Variants in PECR observed in about 807,000 individuals in gnomAD.
The protein encoded by PECR is 2,4-dienoyl-CoA reductase-related protein.
Under a neutral mutation model 35.3 loss-of-function variants are expected in PECR, and 30 were observed. The observed-to-expected ratio is 0.85, with a 90% CI of 0.64 to 1.15. The LOEUF is 1.15. Among genes scored for constraint, PECR ranks in the 50% most tolerant of loss-of-function variants. The pLI is 0.00. For missense variants in PECR, 392 were observed against 370.8 expected (o/e 1.06, Z -0.47); for synonymous variants, 148 against 138.9 (o/e 1.07, Z -0.46).
chr2:216,047,189 T>G (rs1367408810), intron 6 of PECR, among the ~76,000 whole-genome samples: 2 of 149,030 alleles, frequency 1.3e-5, no homozygotes, highest in Non-Finnish European at 3.0e-5. Context: ...ACCCAGGAGG[T>G]AGAGGTTGTG....
Position 216,051,447 on chromosome 2 carries a change from A to G in PECR, c.603+2T>C. On this transcript the variant is annotated splice_donor_variant, in intron 5 of 7. Coordinates refer to ENST00000265322, the MANE Select transcript of PECR (RefSeq NM_018441.6). LOFTEE classifies it high-confidence loss of function. The stretch of plus-strand genomic sequence containing the variant: ...AAATTTCAATATAGATCGTTTACCT[A>G]CAGGGGCAACACAATTGATCCGTAT... 9 of 1,569,878 alleles carry G rather than the reference A, an allele frequency of 5.7e-6. No homozygotes were observed. The highest frequency in any genetic ancestry group is 7.9e-6 in the Non-Finnish European group (9 of 1,139,476).
At chr2:216,080,368 G>A (rs828914) in intron 1 of PECR, among the ~76,000 whole-genome samples, 2 of 152,140 alleles carry the variant, frequency 1.3e-5, no homozygotes, top group South Asian at 2.1e-4. Context: ...GAGCCACTGC[G>A]CCAGGACCAA....
At chr2:216,071,281 C>T (rs1695582482) in intron 1 of PECR, among the ~76,000 whole-genome samples, 1 of 152,200 alleles carries the variant, frequency 6.6e-6, no homozygotes, top group Non-Finnish European at 1.5e-5. Context: ...GGAGGCATGC[C>T]GTTGCCAAAG....
downstream of PECR, among the ~76,000 whole-genome samples, chr2:216,036,057 A>G (rs1228595730): frequency 6.6e-6 from 1 of 152,252 alleles, no homozygotes; most frequent in African/African-American, 2.4e-5. Context: ...TCTGGGGGCT[A>G]TAGAAAGCCT....
chr2:216,079,151 CT>C (rs77646025), intron 1 of PECR, among the ~76,000 whole-genome samples: 3,837 of 99,294 alleles, frequency 0.039, 144 homozygotes, highest in African/African-American at 0.1. Flanking sequence ...AATGTTTTTG[CT>C]TTTTTTTTTT....
At chr2:216,055,038 G>A (rs529587480) in intron 4 of PECR, among the ~76,000 whole-genome samples, 37 of 151,946 alleles carry the variant, frequency 2.4e-4, no homozygotes, top group Non-Finnish European at 3.7e-4. Flanking sequence ...CTTGAACCCG[G>A]GAGGCGGAGG....
intron 3 of PECR, among the ~76,000 whole-genome samples, chr2:216,062,441 G>A (rs10168511): frequency 0.12 from 17,791 of 151,916 alleles, 1,522 homozygotes; most frequent in South Asian, 0.23. Flanking sequence ...AGTAAATTGG[G>A]GTAAAAATTC....
chr2:216,077,626 G>A (rs1225710687), intron 1 of PECR, among the ~76,000 whole-genome samples: 1 of 151,926 alleles, frequency 6.6e-6, no homozygotes, highest in African/African-American at 2.4e-5. Flanking sequence ...GGCAAACATG[G>A]TGAAACCTTG....
At position 216,029,658 on chromosome 2, in the gene PECR, C is replaced by T. The variant is rs1694649689; in HGVS notation, c.*440+9533G>A. The stretch of plus-strand genomic sequence containing the variant: ...ATACAAGGATGCTAAGTCATGCTCA[C>T]AAACTCGCCAGAAGCTGAAATACAC... On this transcript the variant is annotated intron_variant and NMD_transcript_variant, in intron 7 of 7. Coordinates refer to the PECR transcript ENST00000442122. Among the ~76,000 whole-genome samples, 3 of 152,368 alleles carry T rather than the reference C, an allele frequency of 2.0e-5. No individual in the cohort carries two copies. The South Asian group carries it at 6.2e-4, about 32-fold the overall frequency.
intron 7 of PECR, among the ~76,000 whole-genome samples, chr2:216,030,886 C>T (rs964756063): frequency 2.7e-5 from 4 of 149,630 alleles, no homozygotes; most frequent in African/African-American, 9.8e-5. Context: ...CAATTTATTT[C>T]GGCATTCCAA....
At chr2:216,068,495 A>T (rs1384621626) in intron 1 of PECR, among the ~76,000 whole-genome samples, 1 of 152,144 alleles carries the variant, frequency 6.6e-6, no homozygotes, top group Non-Finnish European at 1.5e-5. Context: ...CAAAATAAAG[A>T]CTTTTTCACA....
rs1162128167 is a variant in PECR, at chr2:216,039,210, A to G, written c.*65T>C. ...CCATACCAACTATAAGCTTTTAAAAAGTACAGAAGCATATCCTCAAGATGT... is the reference window on the plus strand; with the variant it reads ...CCATACCAACTATAAGCTTTTAAAAGGTACAGAAGCATATCCTCAAGATGT... On this transcript the variant is annotated 3_prime_UTR_variant, in exon 8 of 8. Transcript: ENST00000265322. 6 of 873,444 alleles carry G rather than the reference A, an allele frequency of 6.9e-6. No individual in the cohort carries two copies. The Admixed American group carries it at 1.0e-4, about 15-fold the overall frequency. 54.1% of individuals were successfully genotyped at this position (873,444 alleles called of 1,614,324 possible). A position where few individuals can be genotyped will look rare whatever the true frequency, so the allele number is the denominator to read the frequency against.
At chr2:216,047,888 T>C (rs1695025971) in intron 6 of PECR, among the ~76,000 whole-genome samples, 1 of 152,108 alleles carries the variant, frequency 6.6e-6, no homozygotes, top group African/African-American at 2.4e-5. Flanking sequence ...ATCTGGTCTT[T>C]TTGCTGCTTC....
intron 6 of PECR, 78 bp downstream of exon 6, chr2:216,049,185 G>C (rs573436281): frequency 1.3e-6 from 1 of 793,646 alleles, no homozygotes; most frequent in Non-Finnish European, 2.3e-6. Context: ...CGTCCAGACC[G>C]CATAAAAATG....
At chr2:216,044,072 C>T (rs746208719) in intron 6 of PECR, 57 bp from the exon 7 acceptor site, 73 of 869,724 alleles carry the variant, frequency 8.4e-5, no homozygotes, top group Non-Finnish European at 1.3e-4. Context: ...CATTTCTAAC[C>T]GCCTCACATT....
chr2:216,058,825 C>T, intron 4 of PECR, 70 bp downstream of exon 4: 1 of 836,628 alleles, frequency 1.2e-6, no homozygotes, highest in Non-Finnish European at 2.1e-6. Context: ...GAAATGTTCC[C>T]TAACATGCTT....
At chr2:216,031,000 T>C (rs1377234183) in intron 7 of PECR, among the ~76,000 whole-genome samples, 2 of 148,218 alleles carry the variant, frequency 1.3e-5, no homozygotes, top group African/African-American at 5.0e-5. Context: ...ACACACTCTG[T>C]CCCTGCTCTC....
intron 4 of PECR, chr2:216,057,699 G>A (rs1043690280): frequency 3.9e-5 from 6 of 152,096 alleles, no homozygotes; most frequent in Non-Finnish European, 5.9e-5. Context: ...ATTTCCACTT[G>A]AGGAAGTACC....
At chr2:216,034,930 C>T (rs774647166), downstream of PECR, among the ~76,000 whole-genome samples, 3 of 152,178 alleles carry the variant, frequency 2.0e-5, no homozygotes, top group Non-Finnish European at 4.4e-5. Flanking sequence ...AGGCTGTAGA[C>T]GGCCCATTAG....
Sources: allele counts gnomAD v4.1 joint callset (sites outside exome capture counted in the v4.1 genomes callset), GRCh38; gene constraint gnomAD v4.1.1; transcripts MANE v1.5; gene names NCBI Gene and HGNC (gene_info 2026-07-23, HGNC 2026-07-21).